Variants in SHISA9 observed in about 807,000 individuals in gnomAD.
SHISA9 encodes the protein shisa family member 9, also known as protein shisa-9.
A neutral mutation model predicts 38.0 loss-of-function variants in SHISA9; 13 were observed. That is an observed-to-expected ratio of 0.34 (90% confidence interval 0.22 to 0.54). The LOEUF (loss-of-function observed/expected upper bound fraction) is 0.54. Among genes scored for constraint, SHISA9 ranks in the 20% least tolerant of loss-of-function variants. The pLI, the probability that SHISA9 is intolerant of heterozygous loss-of-function variation, is 0.91. For missense variants in SHISA9, 538 were observed against 575.8 expected (o/e 0.93, Z 0.67); for synonymous variants, 275 against 242.0 (o/e 1.14, Z -1.27).
the SHISA9 span, among the ~76,000 whole-genome samples, chr16:13,414,470 G>A: frequency 1.3e-5 from 2 of 152,146 alleles, no homozygotes; most frequent in African/African-American, 4.8e-5. Flanking sequence ...CTGGAAACAA[G>A]GGCTTTGAAT....
the SHISA9 span, among the ~76,000 whole-genome samples, chr16:13,434,893 A>C: frequency 6.6e-6 from 1 of 152,218 alleles, no homozygotes; most frequent in Non-Finnish European, 1.5e-5. Context: ...ATTACAAAGT[A>C]GTTGGAGCCT....
At chr16:13,020,398 C>CT (rs1299074405) in intron 2 of SHISA9, among the ~76,000 whole-genome samples, 3 of 152,042 alleles carry the variant, frequency 2.0e-5, no homozygotes, top group African/African-American at 7.2e-5. Context: ...GTGTGTTGCT[C>CT]CCCCGTATGT....
At chr16:12,922,892 A>G (rs796468035) in intron 2 of SHISA9, among the ~76,000 whole-genome samples, 5 of 152,306 alleles carry the variant, frequency 3.3e-5, no homozygotes, top group East Asian at 1.9e-4. Context: ...CTCTTCTACT[A>G]CAATGTAAGC....
At chr16:12,941,650 C>T (rs1017665150) in intron 2 of SHISA9, among the ~76,000 whole-genome samples, 12 of 152,078 alleles carry the variant, frequency 7.9e-5, no homozygotes, top group Admixed American at 2.6e-4. Flanking sequence ...GAGGTCAGTT[C>T]GAGACCAGCC....
the SHISA9 span, among the ~76,000 whole-genome samples, chr16:13,266,571 T>G: frequency 2.6e-5 from 4 of 152,128 alleles, no homozygotes; most frequent in Non-Finnish European, 5.9e-5. Flanking sequence ...TGTTTCCCAT[T>G]TGGAATTGCT....
chr16:13,438,095 A>T, the SHISA9 span, among the ~76,000 whole-genome samples: 1 of 152,000 alleles, frequency 6.6e-6, no homozygotes, highest in African/African-American at 2.4e-5. Flanking sequence ...CGAACTCCTG[A>T]CCTCAGGTAA....
At chr16:13,354,548 A>T in the SHISA9 span, among the ~76,000 whole-genome samples, 1 of 150,352 alleles carries the variant, frequency 6.7e-6, no homozygotes, top group Non-Finnish European at 1.5e-5. Flanking sequence ...TGCATCAGGT[A>T]TGAGAACGAA....
the SHISA9 span, among the ~76,000 whole-genome samples, chr16:13,521,975 G>T: frequency 6.6e-6 from 1 of 152,210 alleles, no homozygotes; most frequent in South Asian, 2.1e-4. Context: ...TTTGCATGAA[G>T]CCCACATATA....
At chr16:13,299,571 G>A in the SHISA9 span, among the ~76,000 whole-genome samples, 1 of 152,028 alleles carries the variant, frequency 6.6e-6, no homozygotes, top group African/African-American at 2.4e-5. Flanking sequence ...AAAATTAGCC[G>A]GGTGTGGTAG....
the SHISA9 span, among the ~76,000 whole-genome samples, chr16:13,464,746 G>A: frequency 6.6e-6 from 1 of 152,012 alleles, no homozygotes; most frequent in Non-Finnish European, 1.5e-5. Flanking sequence ...AGTACTGGGC[G>A]CTATCCTGAG....
chr16:13,414,645 TC>T, the SHISA9 span, among the ~76,000 whole-genome samples: 31 of 88,652 alleles, frequency 3.5e-4, no homozygotes, highest in South Asian at 1.3e-3. Flanking sequence ...CTTCTTTCTT[TC>T]TTTCTTTTTT....
At chr16:13,528,701 C>A in the SHISA9 span, among the ~76,000 whole-genome samples, 1 of 152,170 alleles carries the variant, frequency 6.6e-6, no homozygotes, top group Admixed American at 6.5e-5. Flanking sequence ...TGTTCCAGCA[C>A]CAGTTAATCT....
chr16:13,244,706 C>T (rs555691240), downstream of SHISA9, among the ~76,000 whole-genome samples: 1 of 152,170 alleles, frequency 6.6e-6, no homozygotes, highest in Non-Finnish European at 1.5e-5. Flanking sequence ...TGGGGTTTGT[C>T]GACCTCTAAC....
At chr16:13,132,957 T>G (rs529722386) in intron 2 of SHISA9, among the ~76,000 whole-genome samples, 1 of 151,984 alleles carries the variant, frequency 6.6e-6, no homozygotes, top group African/African-American at 2.4e-5. Flanking sequence ...TTGGGGAAGG[T>G]GTATTAGGAA....
the SHISA9 span, among the ~76,000 whole-genome samples, chr16:13,333,704 T>A: frequency 1.3e-5 from 2 of 152,044 alleles, no homozygotes; most frequent in African/African-American, 2.4e-5. Context: ...CCATTAGAAA[T>A]AAAAGGAAAA....
chr16:12,934,900 G>T (rs757714438), intron 2 of SHISA9, among the ~76,000 whole-genome samples: 3 of 152,170 alleles, frequency 2.0e-5, no homozygotes, highest in Non-Finnish European at 4.4e-5. Flanking sequence ...AAGAATATGG[G>T]TTGGCTCATA....
intron 2 of SHISA9, among the ~76,000 whole-genome samples, chr16:13,099,443 G>A (rs140005878): frequency 1.6e-3 from 245 of 152,286 alleles, no homozygotes; most frequent in Non-Finnish European, 2.9e-3. Flanking sequence ...GCTGGGGAGA[G>A]GGTAGAATTG....
intron 2 of SHISA9, among the ~76,000 whole-genome samples, chr16:13,181,312 T>TACACACAC (rs1217237745): frequency 5.9e-5 from 2 of 34,100 alleles, no homozygotes; most frequent in African/African-American, 1.2e-4. Context: ...TATATATATA[T>TACACACAC]ACACACACAC....
At chr16:13,049,675 A>G (rs1466202372) in intron 2 of SHISA9, among the ~76,000 whole-genome samples, 1 of 152,156 alleles carries the variant, frequency 6.6e-6, no homozygotes, top group Non-Finnish European at 1.5e-5. Flanking sequence ...AAAATTAGAC[A>G]AAGGAAAAAT....
Sources: gnomAD v4.1 joint callset for allele counts (sites outside exome capture counted in the v4.1 genomes callset) on GRCh38, gnomAD v4.1.1 for gene constraint, MANE v1.5 for transcripts, NCBI Gene and HGNC (gene_info 2026-07-23, HGNC 2026-07-21) for gene names.